Variants in ANKFN1 observed in about 807,000 individuals in gnomAD.
The protein encoded by ANKFN1 is ankyrin repeat and fibronectin type-III domain-containing protein 1.
A neutral mutation model predicts 108.7 loss-of-function variants in ANKFN1; 74 were observed. That is an observed-to-expected ratio of 0.68 (90% CI 0.56 to 0.83). The LOEUF (loss-of-function observed/expected upper bound fraction) is 0.83, where lower values mean the gene tolerates loss of function less well. ANKFN1 is among the 40% of genes least tolerant of loss of function. The pLI is 0.00. For missense variants in ANKFN1, 1,505 were observed against 1,382.3 expected (o/e 1.09, Z -1.41); for synonymous variants, 547 against 516.2 (o/e 1.06, Z -0.81).
intron 4 of ANKFN1, among the ~76,000 whole-genome samples, chr17:56,094,264 A>G (rs530759842): frequency 6.0e-5 from 9 of 151,024 alleles, no homozygotes; most frequent in Admixed American, 3.3e-4. Context: ...TTTTGATGGC[A>G]ACCCTAGGAA....
At chr17:56,354,186 C>A in intron 6 of ANKFN1, 140 bp downstream of exon 6, 1 of 780,322 alleles carries the variant, frequency 1.3e-6, no homozygotes, top group Non-Finnish European at 2.0e-6. Context: ...TTTTCATGGG[C>A]TTTCATGCAA....
chr17:56,302,957 G>A (rs1316274066), intron 3 of ANKFN1, among the ~76,000 whole-genome samples: 1 of 152,112 alleles, frequency 6.6e-6, no homozygotes, highest in African/African-American at 2.4e-5. Flanking sequence ...GTGACTAGAG[G>A]CACTACTGTA....
intron 4 of ANKFN1, among the ~76,000 whole-genome samples, chr17:56,333,299 TA>T (rs2045716249): frequency 6.6e-6 from 1 of 152,152 alleles, no homozygotes; most frequent in African/African-American, 2.4e-5. Flanking sequence ...CTATAGGTTT[TA>T]AAATATTCTT....
At chr17:56,055,593 A>ACACACATT (rs1904861380) in intron 4 of ANKFN1, among the ~76,000 whole-genome samples, 2 of 130,944 alleles carry the variant, frequency 1.5e-5, no homozygotes, top group African/African-American at 6.0e-5. Context: ...ATATATGTAT[A>ACACACATT]TATACACATT....
At chr17:56,157,567 A>G (rs1265819520) in intron 1 of ANKFN1, among the ~76,000 whole-genome samples, 1 of 152,222 alleles carries the variant, frequency 6.6e-6, no homozygotes, top group East Asian at 1.9e-4. Flanking sequence ...TGTGTGGACT[A>G]TGGCGTCTTA....
chr17:56,467,979 A>G (rs1598665317), intron 15 of ANKFN1, among the ~76,000 whole-genome samples: 1 of 152,310 alleles, frequency 6.6e-6, no homozygotes, highest in Middle Eastern at 3.4e-3. Flanking sequence ...AGCCTCTTCT[A>G]TGTCCTTGCA....
intron 8 of ANKFN1, among the ~76,000 whole-genome samples, chr17:56,437,751 A>G (rs951609340): frequency 1.3e-5 from 2 of 152,150 alleles, no homozygotes; most frequent in East Asian, 3.8e-4. Flanking sequence ...AAATGGAAAC[A>G]TACATGTAAT....
chr17:56,317,462 T>G (rs2045241553), intron 3 of ANKFN1, among the ~76,000 whole-genome samples: 1 of 152,192 alleles, frequency 6.6e-6, no homozygotes. Context: ...AAGCCCATTG[T>G]GAAATGTTTG....
chr17:56,261,859 C>T (rs770934632), intron 3 of ANKFN1, among the ~76,000 whole-genome samples: 8 of 152,128 alleles, frequency 5.3e-5, no homozygotes, highest in Non-Finnish European at 7.3e-5. Flanking sequence ...TACCCAGGAA[C>T]AATACTTTGC....
intron 8 of ANKFN1, among the ~76,000 whole-genome samples, chr17:56,402,006 C>A (rs1363416499): frequency 2.0e-5 from 3 of 152,036 alleles, no homozygotes; most frequent in Non-Finnish European, 4.4e-5. Flanking sequence ...TATTGACCTG[C>A]ATATGTTAAA....
intron 1 of ANKFN1, among the ~76,000 whole-genome samples, chr17:56,198,147 T>G (rs933053539): frequency 1.3e-5 from 2 of 152,190 alleles, no homozygotes; most frequent in Admixed American, 6.5e-5. Flanking sequence ...GTACTGTGTT[T>G]CCAGAGACTG....
chr17:56,467,798 GAAAGA>G (rs1568026394), intron 15 of ANKFN1, among the ~76,000 whole-genome samples: 511 of 30,474 alleles, frequency 0.017, 3 homozygotes, highest in Non-Finnish European at 0.028. Context: ...AAAGAAGAAA[GAAAGA>G]AAGAAAGAAA....
At chr17:56,279,949 C>T (rs1275238085) in intron 3 of ANKFN1, among the ~76,000 whole-genome samples, 1 of 151,756 alleles carries the variant, frequency 6.6e-6, no homozygotes, top group Non-Finnish European at 1.5e-5. Flanking sequence ...ATCCTGATGC[C>T]CAGATTGCTT....
chr17:56,496,718 C>T (rs2051211389), intron 19 of ANKFN1, among the ~76,000 whole-genome samples: 2 of 151,968 alleles, frequency 1.3e-5, no homozygotes, highest in African/African-American at 4.8e-5. Context: ...TCTCAAAATC[C>T]TAAACTTAAT....
chr17:56,062,573 T>TTTTTTTTTTTTTTTTTC (rs1555589520), intron 4 of ANKFN1, among the ~76,000 whole-genome samples: 9 of 145,226 alleles, frequency 6.2e-5, no homozygotes, highest in African/African-American at 2.0e-4. Context: ...TTTTTTTTTT[T>TTTTTTTTTTTTTTTTTC]CTTTCCATTT....
At chr17:56,311,464 G>A (rs530948765) in intron 3 of ANKFN1, among the ~76,000 whole-genome samples, 5 of 152,276 alleles carry the variant, frequency 3.3e-5, no homozygotes, top group African/African-American at 7.2e-5. Flanking sequence ...CCAATGTGAT[G>A]CTACAAACTA....
At chr17:56,277,131 G>A (rs995188987) in intron 3 of ANKFN1, among the ~76,000 whole-genome samples, 3 of 152,192 alleles carry the variant, frequency 2.0e-5, no homozygotes, top group Non-Finnish European at 4.4e-5. Flanking sequence ...GTAAGGGAAT[G>A]ACTATCAAAT....
rs772950034 is a variant in ANKFN1, at chr17:56,086,770, G to A, written c.288+40445G>A. On this transcript the variant is annotated intron_variant, in intron 4 of 12. Transcript: ENST00000635860. ...TAAAAAGTCACAGAGACCGGCAGTAGATGACTGTTCTAGCTCCATGCCTAG... is the reference window on the plus strand; with the variant it reads ...TAAAAAGTCACAGAGACCGGCAGTAAATGACTGTTCTAGCTCCATGCCTAG... 6.1e-4 allele frequency among the ~76,000 whole-genome samples: 92 copies of A among 151,360 alleles called. 1 individual carries two copies. Among genetic ancestry groups the A allele is most frequent in the Non-Finnish European group, 1.3e-4 (9 of 67,750 alleles).
chr17:56,380,328 C>A (rs2047059094), intron 8 of ANKFN1, among the ~76,000 whole-genome samples: 1 of 152,186 alleles, frequency 6.6e-6, no homozygotes, highest in African/African-American at 2.4e-5. Context: ...ATAGGAACAG[C>A]TCCAGTCTAC....
Sources: gnomAD v4.1 joint callset for allele counts (sites outside exome capture counted in the v4.1 genomes callset) on GRCh38, gnomAD v4.1.1 for gene constraint, MANE v1.5 for transcripts, NCBI Gene and HGNC (gene_info 2026-07-23, HGNC 2026-07-21) for gene names.